ATCAY: variants seen among roughly 807,000 people sequenced by gnomAD.
The protein encoded by ATCAY is caytaxin.
In ATCAY, 22 loss-of-function variants were observed where a neutral mutation model predicts 47.7. The observed-to-expected ratio is 0.46, with a 90% CI of 0.33 to 0.66. ATCAY has a LOEUF of 0.66. Ranked by LOEUF, ATCAY falls within the 30% of genes least tolerant of loss-of-function variation. ATCAY has a pLI of 0.02. For synonymous variants in ATCAY, 216 were observed against 207.6 expected (o/e 1.04, Z -0.35); for missense variants, 452 against 515.0 (o/e 0.88, Z 1.18).
intron 11 of ATCAY, chr19:3,920,377 G>C (rs2039006525): frequency 6.8e-6 from 1 of 147,588 alleles, no homozygotes; most frequent in Non-Finnish European, 1.5e-5. Context: ...TTTCACTCTT[G>C]TCGCCCAGGG....
chr19:3,913,939 C>A, intron 9 of ATCAY, 83 bp downstream of exon 9: 1 of 1,322,814 alleles, frequency 7.6e-7, no homozygotes, highest in Non-Finnish European at 1.1e-6. Flanking sequence ...GGGCAATTTA[C>A]AAAAGAGGTT....
chr19:3,918,666 C>G, intron 10 of ATCAY, 140 bp from the exon 11 acceptor site: 2 of 770,326 alleles, frequency 2.6e-6, no homozygotes, highest in Non-Finnish European at 4.1e-6. Context: ...TCTCAAATAG[C>G]AAAGGCAGGG....
chr19:3,887,421 G>A (rs770333633), intron 2 of ATCAY, among the ~76,000 whole-genome samples: 8 of 151,876 alleles, frequency 5.3e-5, no homozygotes, highest in Non-Finnish European at 8.8e-5. Context: ...TTGCAGCCCT[G>A]CACTCCAGTC....
chr19:3,912,717 CA>C (rs1038133673), intron 8 of ATCAY, among the ~76,000 whole-genome samples: 2 of 150,790 alleles, frequency 1.3e-5, no homozygotes, highest in African/African-American at 2.4e-5. Context: ...TCCATCTCTA[CA>C]AAAAAAAATT....
chr19:3,905,394 G>T, intron 3 of ATCAY, 40 bp from the exon 4 acceptor site: 1 of 1,527,598 alleles, frequency 6.5e-7, no homozygotes, highest in Non-Finnish European at 8.8e-7. Flanking sequence ...GTAAAAGAGA[G>T]AAAGCAAAGA....
chr19:3,889,728 T>C (rs1230818581), intron 2 of ATCAY, among the ~76,000 whole-genome samples: 3 of 152,174 alleles, frequency 2.0e-5, no homozygotes, highest in African/African-American at 7.2e-5. Context: ...CCACCTGGGC[T>C]ACCTCTTTGG....
At chr19:3,917,255 C>T (rs1289911338) in intron 9 of ATCAY, among the ~76,000 whole-genome samples, 4 of 151,726 alleles carry the variant, frequency 2.6e-5, no homozygotes. Flanking sequence ...CACTGCACTC[C>T]AGTCTGGGCT....
intron 2 of ATCAY, among the ~76,000 whole-genome samples, chr19:3,898,783 G>A (rs2038790255): frequency 6.6e-6 from 1 of 152,150 alleles, no homozygotes; most frequent in Non-Finnish European, 1.5e-5. Context: ...CCAGGTTCAA[G>A]TGATCCTCTT....
chr19:3,899,454 C>G (rs765695701), intron 2 of ATCAY, among the ~76,000 whole-genome samples: 3 of 151,698 alleles, frequency 2.0e-5, no homozygotes, highest in Non-Finnish European at 4.4e-5. Context: ...GCTGAGACTG[C>G]AAGCACGCAC....
chr19:3,903,254 G>T (rs112684812), intron 3 of ATCAY, among the ~76,000 whole-genome samples: 5 of 151,714 alleles, frequency 3.3e-5, no homozygotes, highest in African/African-American at 1.2e-4. Context: ...GATTACGGGC[G>T]TGAGCCACCA....
rs766422837 is a variant in ATCAY at position 3,916,532 on chromosome 19, C to CT, written c.966-1210_966-1209insT. On this transcript the variant is annotated intron_variant, in intron 9 of 12. Transcript: ENST00000450849. Reference sequence around the variant, plus strand: ...TTTTTGAGACGGAGTCTCACTCTGTCACCCAGGCTGGAGTGCAGTGGCGCT... The same window carrying CT: ...TTTTTGAGACGGAGTCTCACTCTGTCTACCCAGGCTGGAGTGCAGTGGCGCT... 2.6e-5 allele frequency among the ~76,000 whole-genome samples: 4 copies of CT among 152,086 alleles called. 1 individual carries two copies. Among genetic ancestry groups the CT allele is most frequent in the Non-Finnish European group, 5.9e-5 (4 of 68,024 alleles).
At chr19:3,890,534 A>T (rs1411953246) in intron 2 of ATCAY, among the ~76,000 whole-genome samples, 1 of 152,040 alleles carries the variant, frequency 6.6e-6, no homozygotes, top group East Asian at 1.9e-4. Context: ...AAGTGCTGGG[A>T]TTACAGGCGC....
intron 2 of ATCAY, among the ~76,000 whole-genome samples, chr19:3,897,605 C>T (rs555523681): frequency 3.2e-4 from 48 of 151,530 alleles, no homozygotes; most frequent in Admixed American, 1.6e-3. Context: ...CCAAAGCTTG[C>T]TTTTTAAAAA....
intron 8 of ATCAY, among the ~76,000 whole-genome samples, chr19:3,911,253 C>G (rs565064707): frequency 4.0e-4 from 61 of 152,196 alleles, no homozygotes; most frequent in Non-Finnish European, 7.4e-4. Context: ...GTAGTTTCAG[C>G]TACTTGGGAG....
At chr19:3,914,855 A>C (rs1170463056) in intron 9 of ATCAY, among the ~76,000 whole-genome samples, 1 of 150,490 alleles carries the variant, frequency 6.6e-6, no homozygotes, top group Non-Finnish European at 1.5e-5. Context: ...GTGGAGATAC[A>C]GTCAAACCCT....
intron 2 of ATCAY, among the ~76,000 whole-genome samples, chr19:3,890,216 G>A (rs1030633486): frequency 7.3e-6 from 1 of 137,806 alleles, no homozygotes; most frequent in Admixed American, 7.7e-5. Flanking sequence ...AGGATTACAG[G>A]TGTGAGCCAT....
At chr19:3,924,014 G>A (rs111067227) in intron 12 of ATCAY, among the ~76,000 whole-genome samples, 3,988 of 150,032 alleles carry the variant, frequency 0.027, 207 homozygotes, top group African/African-American at 0.093. Flanking sequence ...ACAGATGGAT[G>A]AGTGGGTGGA....
rs550961941 is a variant in ATCAY at position 3,920,562 on chromosome 19, C to T, written c.1074-204C>T. On this transcript the variant is annotated intron_variant, in intron 11 of 12. Transcript: ENST00000450849. ...TTTACCATGTTGGCCAGGCTGGTCTCGAACTCCTGACCTCAAGTGATCCAC... is the reference window on the plus strand; with the variant it reads ...TTTACCATGTTGGCCAGGCTGGTCTTGAACTCCTGACCTCAAGTGATCCAC... The T allele has an allele frequency of 1.0e-3, 232 of 230,274 alleles. 2 individuals are homozygous for T. The highest frequency in any genetic ancestry group is 5.1e-3 in the African/African-American group (218 of 43,008). 14.3% of individuals were successfully genotyped at this position (230,274 alleles called of 1,614,324 possible).
Position 3,910,980 on chromosome 19 carries a change from C to G in ATCAY, c.866+91C>G, listed in dbSNP as rs547727186. The G allele has an allele frequency of 2.3e-6, 3 of 1,311,560 alleles. No homozygotes were observed. In the South Asian group the frequency reaches 3.6e-5, roughly 16 times the overall value. 81.2% of individuals were successfully genotyped at this position (1,311,560 alleles called of 1,614,324 possible). ...ATGCATTTGTGTGTGCATGTGTGCA[C>G]GTGTGTGCGTGTGTGCATCTGTGTG... On this transcript the variant is annotated intron_variant, in intron 8 of 12. Transcript: ENST00000450849.
Sources: allele counts gnomAD v4.1 joint callset (sites outside exome capture counted in the v4.1 genomes callset), GRCh38; gene constraint gnomAD v4.1.1; transcripts MANE v1.5; gene names NCBI Gene and HGNC (gene_info 2026-07-23, HGNC 2026-07-21).